GRID2: variants seen among roughly 807,000 people sequenced by gnomAD.
GRID2 encodes the protein glutamate ionotropic receptor delta type subunit 2.
Under a neutral mutation model 114.8 loss-of-function variants are expected in GRID2, and 33 were observed. The observed-to-expected ratio is 0.29, with a 90% confidence interval of 0.22 to 0.38. The LOEUF (loss-of-function observed/expected upper bound fraction) is 0.38. Ranked by LOEUF, GRID2 falls within the 10% of genes least tolerant of loss-of-function variation. The pLI, the probability that GRID2 is intolerant of heterozygous loss-of-function variation, is 1.00. For synonymous variants in GRID2, 505 were observed against 449.9 expected, an observed-to-expected ratio of 1.12 and a Z score of -1.55; for missense variants, 1,184 against 1,257.7, an observed-to-expected ratio of 0.94 and a Z score of 0.89.
intron 6 of GRID2, chr4:93,217,115 T>C: frequency 2.5e-6 from 1 of 393,950 alleles, no homozygotes; most frequent in Admixed American, 4.0e-5. Flanking sequence ...AAATTTCTAC[T>C]TGCTTAATAA....
chr4:92,583,512 C>T (rs1043878675), intron 1 of GRID2, among the ~76,000 whole-genome samples: 4 of 151,724 alleles, frequency 2.6e-5, no homozygotes, highest in East Asian at 1.9e-4. Context: ...TTCTGAAAAC[C>T]CTATTTCATG....
At position 93,806,057 on chromosome 4, in the gene GRID2, A is replaced by C. The variant is rs1442470679; in HGVS notation, c.222-658A>C. Among the ~76,000 whole-genome samples the C allele has an allele frequency of 9.2e-5, 14 of 152,324 alleles. No individual in the cohort carries two copies. In the East Asian group the frequency reaches 2.1e-3, roughly 23 times the overall value. ...GGTTGCAGTGAGCTGAGATAACGCCACAGCACTCCCGCCTGGGCAAGAAAG... is the reference window on the plus strand; with the variant it reads ...GGTTGCAGTGAGCTGAGATAACGCCCCAGCACTCCCGCCTGGGCAAGAAAG... On this transcript the variant is annotated intron_variant, in intron 1 of 1. Coordinates refer to the GRID2 transcript ENST00000637838.
chr4:92,911,777 C>CT (rs529109175), intron 2 of GRID2, among the ~76,000 whole-genome samples: 1,925 of 143,106 alleles, frequency 0.013, 43 homozygotes, highest in East Asian at 0.065. Context: ...AAATAAATGC[C>CT]TTTTTTTTTT....
intron 2 of GRID2, among the ~76,000 whole-genome samples, chr4:92,954,857 T>C (rs1458066895): frequency 2.1e-5 from 3 of 140,976 alleles, no homozygotes; most frequent in African/African-American, 8.1e-5. Flanking sequence ...TGAGTGAGAA[T>C]ATGCGGTGTT....
intron 13 of GRID2, among the ~76,000 whole-genome samples, chr4:93,566,045 T>C (rs967777126): frequency 1.3e-5 from 2 of 152,182 alleles, no homozygotes; most frequent in African/African-American, 4.8e-5. Context: ...CAAGGATTTT[T>C]TCTGCGGGTG....
intron 1 of GRID2, among the ~76,000 whole-genome samples, chr4:92,492,200 T>C (rs1385303567): frequency 6.6e-6 from 1 of 152,194 alleles, no homozygotes; most frequent in Non-Finnish European, 1.5e-5. Context: ...ATTAAAACTG[T>C]TGTTTTCCTA....
intron 2 of GRID2, among the ~76,000 whole-genome samples, chr4:92,752,062 C>T (rs1185320507): frequency 6.6e-6 from 1 of 152,150 alleles, no homozygotes; most frequent in Non-Finnish European, 1.5e-5. Context: ...AGCTACAGTG[C>T]TTGGTAAACA....
intron 2 of GRID2, among the ~76,000 whole-genome samples, chr4:92,995,861 TTTTGA>T: frequency 6.6e-6 from 1 of 152,304 alleles, no homozygotes; most frequent in East Asian, 1.9e-4. Context: ...TCTCCTATCT[TTTTGA>T]TTTCTTGGTT....
At chr4:93,165,691 G>A (rs566309347) in intron 4 of GRID2, among the ~76,000 whole-genome samples, 1 of 152,164 alleles carries the variant, frequency 6.6e-6, no homozygotes, top group African/African-American at 2.4e-5. Flanking sequence ...TTTCATATCA[G>A]AGCTGAGTCT....
intron 14 of GRID2, among the ~76,000 whole-genome samples, chr4:93,635,256 TCC>T (rs1215701810): frequency 6.6e-6 from 1 of 151,140 alleles, no homozygotes. Context: ...CATTTTCTGT[TCC>T]AGATCAAGAA....
At chr4:92,929,858 TAA>T (rs1750091714) in intron 2 of GRID2, among the ~76,000 whole-genome samples, 1 of 151,422 alleles carries the variant, frequency 6.6e-6, no homozygotes, top group South Asian at 2.1e-4. Flanking sequence ...GGTTAATATG[TAA>T]AAGTGCTTGA....
chr4:93,062,173 T>G (rs1311421545), intron 2 of GRID2, among the ~76,000 whole-genome samples: 1 of 152,150 alleles, frequency 6.6e-6, no homozygotes, highest in Non-Finnish European at 1.5e-5. Context: ...GAGCTTAAGG[T>G]TTTCTCATTT....
At chr4:93,802,495 A>G (rs1394930848) in intron 1 of GRID2, among the ~76,000 whole-genome samples, 1 of 152,194 alleles carries the variant, frequency 6.6e-6, no homozygotes, top group African/African-American at 2.4e-5. Context: ...CACAAGAATT[A>G]AAAAAGAAAA....
At chr4:93,185,179 A>T (rs1740285770) in intron 4 of GRID2, among the ~76,000 whole-genome samples, 1 of 152,160 alleles carries the variant, frequency 6.6e-6, no homozygotes, top group Non-Finnish European at 1.5e-5. Flanking sequence ...TTGAATCAAA[A>T]TCCCCAGGTA....
intron 8 of GRID2, among the ~76,000 whole-genome samples, chr4:93,260,144 C>G (rs1463445951): frequency 1.3e-5 from 2 of 151,626 alleles, no homozygotes; most frequent in Non-Finnish European, 3.0e-5. Flanking sequence ...ACCATTGATA[C>G]TTTGCCCTAC....
chr4:93,362,237 G>A (rs115252058), intron 8 of GRID2, among the ~76,000 whole-genome samples: 7,187 of 151,974 alleles, frequency 0.047, 199 homozygotes, highest in South Asian at 0.068. Context: ...TTTTTATACC[G>A]TTGCTTCTCT....
At chr4:93,318,608 T>C (rs1756921606) in intron 8 of GRID2, 1 of 152,116 alleles carries the variant, frequency 6.6e-6, no homozygotes, top group Admixed American at 6.6e-5. Flanking sequence ...ATGGCAGGAA[T>C]GATCACATAG....
intron 2 of GRID2, among the ~76,000 whole-genome samples, chr4:92,992,269 G>T (rs550137337): frequency 2.0e-5 from 3 of 152,020 alleles, no homozygotes; most frequent in Admixed American, 6.6e-5. Flanking sequence ...TAGGTCAGAG[G>T]GGGGCATTAT....
At chr4:92,454,522 G>T (rs993270357) in intron 1 of GRID2, among the ~76,000 whole-genome samples, 1 of 152,170 alleles carries the variant, frequency 6.6e-6, no homozygotes, top group Non-Finnish European at 1.5e-5. Flanking sequence ...AAACACAGTG[G>T]TTGCTATATG....
Sources: allele counts gnomAD v4.1 joint callset (sites outside exome capture counted in the v4.1 genomes callset), GRCh38; gene constraint gnomAD v4.1.1; transcripts MANE v1.5; gene names NCBI Gene and HGNC (gene_info 2026-07-23, HGNC 2026-07-21).